The following ATXN2L variants were observed in gnomAD, a reference collection of about 807,000 sequenced individuals.
ATXN2L encodes ataxin-2-like protein.
ATXN2L carries 24 observed loss-of-function variants against 120.7 expected under a neutral mutation model. The ratio of observed to expected loss-of-function variants is 0.20; its 90% CI spans 0.14 to 0.28. The LOEUF (loss-of-function observed/expected upper bound fraction) is 0.28. Ranked by LOEUF, ATXN2L falls within the 10% of genes least tolerant of loss-of-function variation. ATXN2L has a pLI of 1.00. For synonymous variants in ATXN2L, 653 were observed against 568.1 expected (o/e 1.15, Z -2.13); for missense variants, 1,312 against 1,432.3 (o/e 0.92, Z 1.36).
Position 28,825,668 on chromosome 16 carries a change from T to C in ATXN2L, c.381T>C (p.Leu127=). The change falls in exon 3 of 22, where the codon CTT becomes CTC. Residue 127 remains leucine (L), a synonymous_variant. Transcript: ENST00000336783. ...ACAATTCCAGAATGCTGCATTTCCT[T>C]ACAGCTGTTGTGGTAAGTTGGTACT... ...VYNNSRMLHF[L]TAVVGSTCDV... The C allele has an allele frequency of 6.2e-7, 1 of 1,614,198 alleles. No individual in the cohort carries two copies. The highest frequency in any genetic ancestry group is 1.1e-5 in the South Asian group (1 of 91,088).
rs755866196 is a variant in ATXN2L, at chr16:28,834,569, C to G, written c.2309C>G (p.Ala770Gly). The change falls in exon 18 of 22, where the codon GCC (alanine) becomes GGC (glycine). Residue 770 changes from alanine (A) to glycine (G), a missense_variant. Transcript: ENST00000336783. The part of the protein sequence containing the change: ...QPASAPPMMQ[A>G]AAAAGPPLVA... ...GCCTCAGCCCCGCCGATGATGCAGG[C>G]CGCCGCGGCTGCTGGCCCGCCTCTG... is the stretch of plus-strand genomic sequence containing the variant. The G allele has an allele frequency of 1.9e-6, 3 of 1,612,588 alleles. No homozygotes were observed. The highest frequency in any genetic ancestry group is 2.2e-5 in the East Asian group (1 of 44,880).
chr16:28,833,232 C>A lies in ATXN2L; in HGVS notation c.1833C>A (p.Pro611=), dbSNP rs768653146. The change falls in exon 14 of 22, where the codon CCC becomes CCA. Residue 611 remains proline, a synonymous_variant. Coordinates refer to ENST00000336783, the MANE Select transcript of ATXN2L (RefSeq NM_007245.4). The stretch of plus-strand genomic sequence containing the variant: ...TATCGGATAAGGAGGACAAACCACC[C>A]CTGGCACCATCAGGAGGCACTGAGG... The part of the protein sequence containing the change: ...ESVSDKEDKP[P]LAPSGGTEGP... 12 of 1,614,078 alleles carry A rather than the reference C, an allele frequency of 7.4e-6. No homozygotes were observed. In the Admixed American group the frequency reaches 1.5e-4, roughly 20 times the overall value.
chr16:28,829,041 G>A (rs2053362928), intron 6 of ATXN2L, among the ~76,000 whole-genome samples: 1 of 152,076 alleles, frequency 6.6e-6, no homozygotes, highest in Admixed American at 6.5e-5. Flanking sequence ...AGTCGCCCAG[G>A]CCAGAGCGCA....
At chr16:28,827,898 G>A (rs1370572058) in intron 6 of ATXN2L, among the ~76,000 whole-genome samples, 2 of 152,154 alleles carry the variant, frequency 1.3e-5, no homozygotes, top group African/African-American at 4.8e-5. Flanking sequence ...GGGCATCATA[G>A]CGAGACTATC....
intron 6 of ATXN2L, among the ~76,000 whole-genome samples, chr16:28,828,606 A>T (rs1029189627): frequency 5.0e-4 from 72 of 142,690 alleles, no homozygotes; most frequent in South Asian, 4.6e-3. Context: ...AAAAAAAAAA[A>T]TTGCAGTTAT....
intron 2 of ATXN2L, 41 bp downstream of exon 2, chr16:28,825,443 A>T (rs1414182004): frequency 6.2e-7 from 1 of 1,604,240 alleles, no homozygotes; most frequent in East Asian, 2.2e-5. Context: ...ACATAGACCT[A>T]AAAGATGCAT....
chr16:28,833,912 C>A, intron 15 of ATXN2L, 153 bp from the exon 16 acceptor site: 1 of 870,780 alleles, frequency 1.1e-6, no homozygotes, highest in Non-Finnish European at 1.8e-6. Flanking sequence ...GAATACTCAT[C>A]TCCTCATAGG....
intron 1 of ATXN2L, chr16:28,824,757 CT>C (rs2051175925): frequency 3.7e-6 from 1 of 273,294 alleles, no homozygotes. Context: ...TAGCATTGAT[CT>C]GTTGGTAGCC....
chr16:28,836,251 C>T lies in ATXN2L; in HGVS notation c.3214C>T (p.Leu1072=). 1 of 1,612,534 alleles carries T rather than the reference C, an allele frequency of 6.2e-7. No homozygotes were observed. Among genetic ancestry groups the T allele is most frequent in the Non-Finnish European group, 8.5e-7 (1 of 1,179,052 alleles). Residue 1072 remains leucine, a synonymous_variant, in exon 22 of 22, where the codon CTG becomes TTG. Transcript: ENST00000336783. ...GCAGGTGGGGCAGGATGCACGGGTT[C>T]TGGGTGGGGAGTGAGGGGTCTTGGA... ...GLQVGQDARV[L]GGE
chr16:28,827,015 A>G (rs1322913643), intron 6 of ATXN2L, 29 bp downstream of exon 6: 1 of 1,420,114 alleles, frequency 7.0e-7, no homozygotes, highest in South Asian at 1.7e-5. Flanking sequence ...AGAACTTGGG[A>G]GCTGGACAGA....
chr16:28,823,222 C>T lies in ATXN2L; in HGVS notation c.-38C>T, dbSNP rs768345080. 3.6e-5 allele frequency: 49 copies of T among 1,350,338 alleles called. No individual in the cohort carries two copies. Among genetic ancestry groups the T allele is most frequent in the Admixed American group, 5.9e-5 (2 of 33,628 alleles). 83.6% of individuals were successfully genotyped at this position (1,350,338 alleles called of 1,614,324 possible). ...GCCCCAGCCCCGGCCCCCTCTCTCC[C>T]TCCCTTCTCTCTAATTCCCCTTCCG... is the stretch of plus-strand genomic sequence containing the variant. On this transcript the variant is annotated 5_prime_UTR_variant, in exon 1 of 22. Transcript: ENST00000336783.
intron 6 of ATXN2L, among the ~76,000 whole-genome samples, chr16:28,827,520 G>T (rs1257069062): frequency 6.6e-6 from 1 of 152,060 alleles, no homozygotes; most frequent in Non-Finnish European, 1.5e-5. Flanking sequence ...ATAACAAAAA[G>T]TATAGATTAA....
At chr16:28,835,214 T>G in intron 19 of ATXN2L, 27 bp downstream of exon 19, 1 of 1,609,750 alleles carries the variant, frequency 6.2e-7, no homozygotes, top group Non-Finnish European at 8.5e-7. Context: ...GTCCCTCTGC[T>G]CTGGGCTGTG....
In ATXN2L at chr16:28,824,055, C is replaced by T. The variant is rs961029058; in HGVS notation, c.299+497C>T. Reference sequence around the variant, plus strand: ...GCTGCCTCCCCCTTCCCGGTCTGGCCAGTAGGAGGGGAGCGAGGTGGGCGG... The same window carrying T: ...GCTGCCTCCCCCTTCCCGGTCTGGCTAGTAGGAGGGGAGCGAGGTGGGCGG... On this transcript the variant is annotated intron_variant, in intron 1 of 21. Transcript: ENST00000336783. The T allele has an allele frequency of 1.8e-5, 18 of 988,224 alleles. No individual in the cohort carries two copies. The African/African-American group carries it at 3.0e-4, about 16-fold the overall frequency. The allele number at this position is 988,224 out of a possible 1,614,324, so 61.2% of individuals were successfully genotyped here.
intron 15 of ATXN2L, 24 bp downstream of exon 15, chr16:28,833,532 G>A: frequency 1.2e-6 from 2 of 1,613,382 alleles, no homozygotes; most frequent in Middle Eastern, 1.7e-4. Flanking sequence ...GGAGAATGTG[G>A]ACTTTGGTTT....
At position 28,833,354 on chromosome 16, in the gene ATXN2L, A is replaced by G; in HGVS notation, c.1955A>G (p.Glu652Gly). Residue 652 changes from glutamate (E) to glycine (G), a missense_variant and splice_region_variant, in exon 14 of 22, where the codon GAA becomes GGA. Glu to Gly is a moderately conservative substitution (Grantham distance 98, BLOSUM62 -2). Coordinates refer to ENST00000336783, the MANE Select transcript of ATXN2L (RefSeq NM_007245.4). ...GEDKDEGPVAEQVKKSTLNPN... is the reference protein window; with the variant it reads ...GEDKDEGPVAGQVKKSTLNPN... ...GACAAAGATGAGGGCCCTGTTGCTGAGTGAGTGGAGCGGGGTGGGGCTCTG... is the reference window on the plus strand; with the variant it reads ...GACAAAGATGAGGGCCCTGTTGCTGGGTGAGTGGAGCGGGGTGGGGCTCTG... The G allele has an allele frequency of 6.2e-7, 1 of 1,613,086 alleles. No homozygotes were observed.
chr16:28,825,709 T>C, intron 3 of ATXN2L, 29 bp downstream of exon 3: 1 of 1,613,770 alleles, frequency 6.2e-7, no homozygotes, highest in Non-Finnish European at 8.5e-7. Context: ...CCCGGGTTGT[T>C]TAAGGAACGT....
chr16:28,830,745 A>C lies in ATXN2L; in HGVS notation c.1165A>C (p.Asn389His), dbSNP rs773101092. 6.2e-7 allele frequency: 1 copy of C among 1,612,826 alleles called. No homozygotes were observed. Among genetic ancestry groups the C allele is most frequent in the Non-Finnish European group, 8.5e-7 (1 of 1,179,542 alleles). Residue 389 changes from asparagine (N) to histidine (H), a missense_variant, in exon 9 of 22, where the codon AAC becomes CAC. Physicochemically the swap from Asn to His is moderately conservative, Grantham distance 68. Coordinates refer to ENST00000336783, the MANE Select transcript of ATXN2L (RefSeq NM_007245.4). ...ACCTCGTGGCCCTCACCATCTGGAC[A>C]ACAGCAGCCCTGGCCCAGGTTCTGA... ...LPPRGPHHLD[N>H]SSPGPGSEAR...
intron 1 of ATXN2L, 147 bp downstream of exon 1, chr16:28,823,705 C>A: frequency 1.2e-6 from 1 of 849,164 alleles, no homozygotes; most frequent in Non-Finnish European, 1.6e-6. Flanking sequence ...CCCCTCAGGT[C>A]CGAACAGGTC....
Sources: allele counts gnomAD v4.1 joint callset (sites outside exome capture counted in the v4.1 genomes callset), GRCh38; gene constraint gnomAD v4.1.1; transcripts MANE v1.5; gene names NCBI Gene and HGNC (gene_info 2026-07-23, HGNC 2026-07-21).